Variants in SUGCT observed in about 807,000 individuals in gnomAD.
SUGCT encodes succinyl-CoA:glutarate-CoA transferase.
A neutral mutation model predicts 55.0 loss-of-function variants in SUGCT; 41 were observed. The ratio of observed to expected loss-of-function variants is 0.74; its 90% CI spans 0.58 to 0.97. SUGCT has a LOEUF of 0.97. Ranked by LOEUF, SUGCT falls within the 50% of genes least tolerant of loss-of-function variation. The probability of loss-of-function intolerance (pLI) is 0.00; values close to 1 mark genes in which losing one functional copy is unlikely to be tolerated. For missense variants in SUGCT, 568 were observed against 547.8 expected, an observed-to-expected ratio of 1.04 and a Z score of -0.37; for synonymous variants, 187 against 200.4, an observed-to-expected ratio of 0.93 and a Z score of 0.56.
intron 1 of SUGCT, among the ~76,000 whole-genome samples, chr7:40,144,186 G>A (rs1162183144): frequency 2.0e-5 from 3 of 152,210 alleles, no homozygotes; most frequent in Non-Finnish European, 4.4e-5. Flanking sequence ...TCAGGAGGGA[G>A]AGAGGTACTT....
the SUGCT span, among the ~76,000 whole-genome samples, chr7:41,025,157 A>T: frequency 6.6e-6 from 1 of 152,204 alleles, no homozygotes. Flanking sequence ...TAAAACCCTC[A>T]AGATTTTGGT....
At chr7:40,647,157 A>G (rs754140130) in intron 12 of SUGCT, among the ~76,000 whole-genome samples, 12 of 152,198 alleles carry the variant, frequency 7.9e-5, no homozygotes. Flanking sequence ...CTGGAAAAGT[A>G]ACTGAAAGTC....
intron 12 of SUGCT, among the ~76,000 whole-genome samples, chr7:40,511,087 CAT>C: frequency 6.6e-6 from 1 of 152,254 alleles, no homozygotes; most frequent in East Asian, 1.9e-4. Flanking sequence ...CACAGTTAGA[CAT>C]AGTATTTTTC....
intron 1 of SUGCT, among the ~76,000 whole-genome samples, chr7:40,168,434 C>G (rs1784520738): frequency 6.6e-6 from 1 of 152,106 alleles, no homozygotes; most frequent in Admixed American, 6.6e-5. Flanking sequence ...ATCTGGGGCT[C>G]TATTTGAAGA....
At chr7:40,414,670 G>A (rs1786872297) in intron 9 of SUGCT, among the ~76,000 whole-genome samples, 1 of 151,974 alleles carries the variant, frequency 6.6e-6, no homozygotes, top group Non-Finnish European at 1.5e-5. Flanking sequence ...ACTTTGGGAG[G>A]CCAGGGCGGG....
At chr7:40,291,760 G>A (rs768202746) in intron 8 of SUGCT, among the ~76,000 whole-genome samples, 1 of 152,072 alleles carries the variant, frequency 6.6e-6, no homozygotes, top group Non-Finnish European at 1.5e-5. Flanking sequence ...TTTCTAGATT[G>A]CAGTTGAAAG....
chr7:40,893,973 C>A, the SUGCT span, among the ~76,000 whole-genome samples: 3 of 151,542 alleles, frequency 2.0e-5, no homozygotes, highest in Admixed American at 2.0e-4. Context: ...AGACATGAGA[C>A]TCACTTATAC....
At chr7:40,424,241 A>G (rs1787466687) in intron 9 of SUGCT, among the ~76,000 whole-genome samples, 2 of 152,166 alleles carry the variant, frequency 1.3e-5, no homozygotes, top group African/African-American at 4.8e-5. Flanking sequence ...TCATAAAGAA[A>G]GGGAGCAAGG....
At chr7:40,343,696 G>A (rs892522687) in intron 9 of SUGCT, among the ~76,000 whole-genome samples, 16 of 151,210 alleles carry the variant, frequency 1.1e-4, no homozygotes, top group Non-Finnish European at 1.9e-4. Context: ...TCGCTCTGTC[G>A]CCCAGGCTGG....
At chr7:40,536,116 A>G (rs1794348819) in intron 12 of SUGCT, among the ~76,000 whole-genome samples, 2 of 152,168 alleles carry the variant, frequency 1.3e-5, no homozygotes, top group African/African-American at 4.8e-5. Flanking sequence ...TCCATTGTGT[A>G]GGTTCTGTTT....
Position 40,395,824 on chromosome 7 carries a change from A to G in SUGCT, c.817-53463A>G, listed in dbSNP as rs1411237673. On this transcript the variant is annotated intron_variant, in intron 9 of 13. Transcript: ENST00000335693. The stretch of plus-strand genomic sequence containing the variant: ...TTTTGGTTCTAGAAATCCAAGTGGG[A>G]AGTTATCATTCTCCTAAAAAAATGA... Among the ~76,000 whole-genome samples, 4 of 152,172 alleles carry G rather than the reference A, an allele frequency of 2.6e-5. No homozygotes were observed. In the East Asian group the frequency reaches 7.7e-4, roughly 29 times the overall value.
chr7:40,377,220 TTC>T (rs1784636232), intron 9 of SUGCT, among the ~76,000 whole-genome samples: 2 of 21,626 alleles, frequency 9.2e-5, no homozygotes, highest in Non-Finnish European at 2.3e-4. Flanking sequence ...TTTCTTTCTT[TTC>T]TTTCTTTCTT....
chr7:40,990,745 C>T, the SUGCT span, among the ~76,000 whole-genome samples: 2 of 152,202 alleles, frequency 1.3e-5, 1 homozygote, highest in South Asian at 4.1e-4. Context: ...GTGGCTACTC[C>T]ATCAGCCCTT....
At chr7:40,647,299 A>G (rs548839940) in intron 12 of SUGCT, among the ~76,000 whole-genome samples, 1 of 152,206 alleles carries the variant, frequency 6.6e-6, no homozygotes, top group South Asian at 2.1e-4. Context: ...CTTTCAGACT[A>G]CTATGCCTTG....
the SUGCT span, among the ~76,000 whole-genome samples, chr7:41,033,865 G>A: frequency 6.6e-6 from 1 of 152,000 alleles, no homozygotes; most frequent in Non-Finnish European, 1.5e-5. Flanking sequence ...CTGACAGCAA[G>A]GTCTTGAAGA....
chr7:40,993,689 G>C, the SUGCT span, among the ~76,000 whole-genome samples: 1 of 152,096 alleles, frequency 6.6e-6, no homozygotes, highest in East Asian at 1.9e-4. Context: ...CCAATCCCAG[G>C]GTTGTGCATC....
At chr7:40,473,558 T>C (rs1050164399) in intron 11 of SUGCT, among the ~76,000 whole-genome samples, 4 of 152,122 alleles carry the variant, frequency 2.6e-5, no homozygotes, top group Admixed American at 6.6e-5. Context: ...GAGTTTTTGA[T>C]AGTACTTTTG....
the SUGCT span, among the ~76,000 whole-genome samples, chr7:40,926,425 G>A: frequency 3.3e-5 from 5 of 151,732 alleles, no homozygotes; most frequent in Non-Finnish European, 5.9e-5. Flanking sequence ...TAAAATTGCT[G>A]CTGGAAACCA....
intron 7 of SUGCT, among the ~76,000 whole-genome samples, chr7:40,253,611 G>A (rs146250780): frequency 0.012 from 1,758 of 151,784 alleles, 15 homozygotes; most frequent in Middle Eastern, 0.02. Flanking sequence ...TGCCCAGGCT[G>A]GAGTGCAGTG....
Sources: gnomAD v4.1 joint callset for allele counts (sites outside exome capture counted in the v4.1 genomes callset) on GRCh38, gnomAD v4.1.1 for gene constraint, MANE v1.5 for transcripts, NCBI Gene and HGNC (gene_info 2026-07-23, HGNC 2026-07-21) for gene names.